The following CDK14 variants were observed in gnomAD, a reference collection of about 807,000 sequenced individuals.
CDK14 encodes cyclin dependent kinase 14.
A neutral mutation model predicts 60.7 loss-of-function variants in CDK14; 34 were observed. The observed-to-expected ratio is 0.56, with a 90% CI of 0.43 to 0.75. CDK14 has a LOEUF of 0.75. Ranked by LOEUF, CDK14 falls within the 30% of genes least tolerant of loss-of-function variation. CDK14 has a pLI of 0.00. For missense variants in CDK14, 482 were observed against 564.1 expected (o/e 0.85, Z 1.47); for synonymous variants, 197 against 203.7 (o/e 0.97, Z 0.28).
At chr7:90,866,221 CACACAT>C (rs1181238683) in intron 6 of CDK14, among the ~76,000 whole-genome samples, 3 of 131,226 alleles carry the variant, frequency 2.3e-5, no homozygotes, top group Admixed American at 8.5e-5. Context: ...CTGAAATACA[CACACAT>C]ACACATACAC....
Position 91,080,353 on chromosome 7 carries a change from C to T in CDK14, c.1154+873C>T, listed in dbSNP as rs73400909. Reference sequence around the variant, plus strand: ...CCGTGCTCTCAGTGGATACAGTGGACAGCTAATGGCGAGGAACTCATGAAA... The same window carrying T: ...CCGTGCTCTCAGTGGATACAGTGGATAGCTAATGGCGAGGAACTCATGAAA... On this transcript the variant is annotated intron_variant, in intron 12 of 14. Transcript: ENST00000380050. Among the ~76,000 whole-genome samples the T allele has an allele frequency of 7.8e-3, 1,192 of 152,270 alleles. 18 individuals carry two copies. Among genetic ancestry groups the T allele is most frequent in the African/African-American group, 0.026 (1,098 of 41,540 alleles).
At chr7:90,888,658 T>C (rs1394729766) in intron 6 of CDK14, among the ~76,000 whole-genome samples, 2 of 152,228 alleles carry the variant, frequency 1.3e-5, no homozygotes, top group East Asian at 3.8e-4. Context: ...GTTTGAGAGT[T>C]AAGATATTCC....
intron 4 of CDK14, among the ~76,000 whole-genome samples, chr7:90,773,009 A>T (rs977635097): frequency 2.0e-5 from 3 of 152,220 alleles, no homozygotes; most frequent in African/African-American, 7.2e-5. Flanking sequence ...TGCCATAAAC[A>T]TGTATCAATC....
chr7:91,073,741 G>A (rs1371655511), intron 11 of CDK14, among the ~76,000 whole-genome samples: 3 of 151,670 alleles, frequency 2.0e-5, no homozygotes, highest in Non-Finnish European at 4.4e-5. Flanking sequence ...ATCGGTGTGC[G>A]GTACCCACGA....
At chr7:91,059,192 A>G (rs1332199296) in intron 11 of CDK14, among the ~76,000 whole-genome samples, 2 of 152,188 alleles carry the variant, frequency 1.3e-5, no homozygotes, top group African/African-American at 2.4e-5. Flanking sequence ...TTATTTACAT[A>G]GAGGTGTTTG....
intron 12 of CDK14, among the ~76,000 whole-genome samples, chr7:91,093,601 C>T (rs190531760): frequency 6.6e-6 from 1 of 152,216 alleles, no homozygotes; most frequent in South Asian, 2.1e-4. Flanking sequence ...TCTTAAGGTA[C>T]CTCACCATTA....
At chr7:90,765,811 G>T (rs911642654) in intron 4 of CDK14, among the ~76,000 whole-genome samples, 1 of 152,200 alleles carries the variant, frequency 6.6e-6, no homozygotes, top group South Asian at 2.1e-4. Flanking sequence ...GGGAATAATC[G>T]AGTATGTATA....
At chr7:90,992,374 C>T (rs1584207371) in intron 10 of CDK14, among the ~76,000 whole-genome samples, 1 of 152,106 alleles carries the variant, frequency 6.6e-6, no homozygotes. Context: ...TTAAATCATT[C>T]ATTTTCTAAG....
chr7:91,199,445 T>A (rs985205102), intron 14 of CDK14, among the ~76,000 whole-genome samples: 4 of 152,204 alleles, frequency 2.6e-5, no homozygotes, highest in African/African-American at 9.6e-5. Flanking sequence ...AGAATTGCCA[T>A]CCTTTTTGTC....
At chr7:91,005,849 G>A (rs1229537383) in intron 10 of CDK14, among the ~76,000 whole-genome samples, 4 of 152,348 alleles carry the variant, frequency 2.6e-5, no homozygotes, top group Non-Finnish European at 2.9e-5. Flanking sequence ...GGAGGAGACC[G>A]TTCCTTGTGA....
chr7:91,078,465 G>T (rs986865602), intron 11 of CDK14, among the ~76,000 whole-genome samples: 1 of 152,088 alleles, frequency 6.6e-6, no homozygotes, highest in Non-Finnish European at 1.5e-5. Context: ...AAATTAGCTG[G>T]GTGTGGCAGC....
At chr7:91,062,855 C>T (rs1415189410) in intron 11 of CDK14, among the ~76,000 whole-genome samples, 1 of 152,138 alleles carries the variant, frequency 6.6e-6, no homozygotes, top group Non-Finnish European at 1.5e-5. Context: ...GTTGGCTGGG[C>T]CCTGCATTTC....
intron 10 of CDK14, among the ~76,000 whole-genome samples, chr7:91,005,354 A>G (rs1409165645): frequency 6.6e-6 from 1 of 152,228 alleles, no homozygotes; most frequent in Non-Finnish European, 1.5e-5. Context: ...CTCCAGCACC[A>G]TCTACGGACA....
At chr7:91,120,578 G>A (rs544652114) in intron 14 of CDK14, among the ~76,000 whole-genome samples, 2 of 147,752 alleles carry the variant, frequency 1.4e-5, no homozygotes, top group Non-Finnish European at 3.0e-5. Context: ...CTTTTGCCCA[G>A]GCTAGAGTGA....
chr7:90,788,367 C>A (rs2116958620), intron 4 of CDK14, among the ~76,000 whole-genome samples: 1 of 152,310 alleles, frequency 6.6e-6, no homozygotes, highest in South Asian at 2.1e-4. Flanking sequence ...GTACAAGGTG[C>A]AGTCTCCAGC....
intron 2 of CDK14, among the ~76,000 whole-genome samples, chr7:90,639,926 G>T (rs543127631): frequency 6.6e-5 from 10 of 152,252 alleles, no homozygotes; most frequent in African/African-American, 2.2e-4. Context: ...TCCGAGCCAG[G>T]TGCGGGATAT....
intron 2 of CDK14, among the ~76,000 whole-genome samples, chr7:90,725,066 A>T (rs1802586802): frequency 6.6e-6 from 1 of 152,166 alleles, no homozygotes; most frequent in Non-Finnish European, 1.5e-5. Flanking sequence ...GCCTGTGCTT[A>T]GTAGTTGAGA....
rs368221785 is a variant in CDK14, at chr7:90,956,629, T to C, written c.947+812T>C. 3.3e-5 allele frequency among the ~76,000 whole-genome samples: 5 copies of C among 152,292 alleles called. No homozygotes were observed. In the East Asian group the frequency reaches 9.6e-4, roughly 29 times the overall value. On this transcript the variant is annotated intron_variant, in intron 9 of 14. Transcript: ENST00000380050. ...TTTTTATGTATTTATTTATTATTAT[T>C]ATACTTTAAGTTTTAGGGTACATGT...
At chr7:90,780,951 A>T (rs903593537) in intron 4 of CDK14, among the ~76,000 whole-genome samples, 1 of 151,862 alleles carries the variant, frequency 6.6e-6, no homozygotes, top group African/African-American at 2.4e-5. Context: ...TGGTATTTCT[A>T]GTTCTAGATC....
Sources: gnomAD v4.1 joint callset for allele counts (sites outside exome capture counted in the v4.1 genomes callset) on GRCh38, gnomAD v4.1.1 for gene constraint, MANE v1.5 for transcripts, NCBI Gene and HGNC (gene_info 2026-07-23, HGNC 2026-07-21) for gene names.